MMP20: variants seen among roughly 807,000 people sequenced by gnomAD.
MMP20 encodes the protein matrix metallopeptidase 20, also known as matrix metalloproteinase-20.
In MMP20, 50 loss-of-function variants were observed where a neutral mutation model predicts 51.8. That is an observed-to-expected ratio of 0.97 (90% CI 0.77 to 1.22). MMP20 has a LOEUF of 1.22. MMP20 is among the 50% of genes most tolerant of loss of function. The pLI is 0.00. For missense variants in MMP20, 663 were observed against 601.4 expected (o/e 1.10, Z -1.07); for synonymous variants, 244 against 216.2 (o/e 1.13, Z -1.13).
At chr11:102,618,435 A>T (rs990943420) in intron 1 of MMP20, among the ~76,000 whole-genome samples, 9 of 151,702 alleles carry the variant, frequency 5.9e-5, no homozygotes, top group Admixed American at 5.3e-4. Context: ...TTTAACATAT[A>T]TATAAAGATA....
intron 8 of MMP20, among the ~76,000 whole-genome samples, chr11:102,579,759 T>C (rs1434021082): frequency 6.6e-6 from 1 of 152,230 alleles, no homozygotes; most frequent in African/African-American, 2.4e-5. Flanking sequence ...CATACATTGT[T>C]TAGAAATATT....
At chr11:102,605,174 G>C (rs551903923) in intron 6 of MMP20, 7 of 152,216 alleles carry the variant, frequency 4.6e-5, no homozygotes, top group African/African-American at 1.7e-4. Context: ...GTACATGAAG[G>C]GATCATGAGA....
At chr11:102,601,029 G>A (rs1418684160) in intron 6 of MMP20, among the ~76,000 whole-genome samples, 3 of 151,858 alleles carry the variant, frequency 2.0e-5, no homozygotes, top group Non-Finnish European at 2.9e-5. Flanking sequence ...AATTCCAGCT[G>A]AGGACAATGA....
chr11:102,579,822 T>G (rs190189050), intron 8 of MMP20, among the ~76,000 whole-genome samples: 1 of 152,216 alleles, frequency 6.6e-6, no homozygotes, highest in Non-Finnish European at 1.5e-5. Context: ...AACTTGCCAT[T>G]TGAAAGGAAC....
At chr11:102,618,157 G>A (rs1427742572) in intron 1 of MMP20, among the ~76,000 whole-genome samples, 1 of 152,042 alleles carries the variant, frequency 6.6e-6, no homozygotes, top group Non-Finnish European at 1.5e-5. Context: ...CAAAAAAAAT[G>A]TCTGTTTTGA....
At chr11:102,603,765 A>C (rs1341611816) in intron 6 of MMP20, among the ~76,000 whole-genome samples, 2 of 152,090 alleles carry the variant, frequency 1.3e-5, no homozygotes, top group Non-Finnish European at 1.5e-5. Context: ...CATCTGCCCT[A>C]CCCCAGTAGC....
chr11:102,592,800 G>A (rs1023669599), intron 8 of MMP20, among the ~76,000 whole-genome samples: 1 of 152,200 alleles, frequency 6.6e-6, no homozygotes, highest in South Asian at 2.1e-4. Flanking sequence ...CTCAACATGA[G>A]TCAACTAAGG....
intron 6 of MMP20, among the ~76,000 whole-genome samples, chr11:102,604,847 A>C (rs975236340): frequency 6.6e-6 from 1 of 152,226 alleles, no homozygotes; most frequent in African/African-American, 2.4e-5. Flanking sequence ...AATCAACACC[A>C]CTAGTAAAAT....
rs1210397605 is a variant in MMP20, at chr11:102,609,533, A to G, written c.649+372T>C. Reference sequence around the variant, plus strand: ...ACCTGTATGATATTCTGGAAACTTTATTCCCATCCCCAACACACTTCTCAG... The same window carrying G: ...ACCTGTATGATATTCTGGAAACTTTGTTCCCATCCCCAACACACTTCTCAG... On this transcript the variant is annotated intron_variant, in intron 4 of 9. Coordinates refer to ENST00000260228, the MANE Select transcript of MMP20 (RefSeq NM_004771.4). Among the ~76,000 whole-genome samples, 5 of 152,224 alleles carry G rather than the reference A, an allele frequency of 3.3e-5. No individual in the cohort carries two copies. The East Asian group carries it at 9.6e-4, about 29-fold the overall frequency.
At chr11:102,600,777 C>A (rs1565394290) in intron 6 of MMP20, among the ~76,000 whole-genome samples, 1 of 152,064 alleles carries the variant, frequency 6.6e-6, no homozygotes, top group South Asian at 2.1e-4. Context: ...TGAGCCATTG[C>A]GCCTGGCCCC....
At chr11:102,593,657 A>G in intron 7 of MMP20, 62 bp from the exon 8 acceptor site, 1 of 1,576,430 alleles carries the variant, frequency 6.3e-7, no homozygotes, top group Non-Finnish European at 8.7e-7. Context: ...CTTCTCTCAT[A>G]AAGATTTCTA....
Position 102,577,195 on chromosome 11 carries a change from C to A in MMP20, c.*131G>T. The A allele has an allele frequency of 1.5e-6, 1 of 680,230 alleles. No individual in the cohort carries two copies. Among genetic ancestry groups the A allele is most frequent in the East Asian group, 2.7e-5 (1 of 36,552 alleles). 42.1% of individuals were successfully genotyped at this position (680,230 alleles called of 1,614,324 possible). On this transcript the variant is annotated 3_prime_UTR_variant, in exon 10 of 10. Transcript: ENST00000260228. ...GAAAAAAATTGGAAGTATTATTATT[C>A]TCAGTGAATTCTAATTTGATTTGAA...
intron 1 of MMP20, 68 bp downstream of exon 1, chr11:102,625,126 T>C: frequency 6.3e-7 from 1 of 1,595,856 alleles, no homozygotes; most frequent in Non-Finnish European, 8.6e-7. Flanking sequence ...TTTCTTATTT[T>C]CTCACTATGC....
intron 1 of MMP20, among the ~76,000 whole-genome samples, chr11:102,624,170 A>G (rs912052880): frequency 1.3e-5 from 2 of 152,222 alleles, no homozygotes; most frequent in Non-Finnish European, 2.9e-5. Flanking sequence ...TCTACGATGC[A>G]GACAGCCAAG....
rs184655088 is a variant in MMP20, at chr11:102,593,548, G to A, written c.1138C>T (p.Arg380Trp). 14 of 1,614,102 alleles carry A rather than the reference G, an allele frequency of 8.7e-6. No individual in the cohort carries two copies. The East Asian group carries it at 1.8e-4, about 21-fold the overall frequency. Residue 380 changes from arginine (R) to tryptophan (W), a missense_variant, in exon 8 of 10, where the codon CGG becomes TGG. Coordinates refer to ENST00000260228, the MANE Select transcript of MMP20 (RefSeq NM_004771.4). The stretch of plus-strand genomic sequence containing the variant: ...GGAAATCCAAAGTCATAAATAGTCC[G>A]AGGAGGACCTTGCATTTGGAATCCT... ...TRGFQMQGPPRTIYDFGFPRH... is the reference protein window; with the variant it reads ...TRGFQMQGPPWTIYDFGFPRH...
At chr11:102,611,507 A>G (rs576052315) in intron 3 of MMP20, among the ~76,000 whole-genome samples, 3 of 152,366 alleles carry the variant, frequency 2.0e-5, no homozygotes, top group South Asian at 2.1e-4. Flanking sequence ...GGGCAAAGTC[A>G]TAATGAAAGT....
intron 1 of MMP20, among the ~76,000 whole-genome samples, chr11:102,618,304 A>G (rs1591624692): frequency 6.6e-6 from 1 of 151,684 alleles, no homozygotes; most frequent in Admixed American, 6.6e-5. Flanking sequence ...TTTTATATTT[A>G]TATAGTATAG....
At chr11:102,581,724 C>T (rs1859198179) in intron 8 of MMP20, among the ~76,000 whole-genome samples, 1 of 151,832 alleles carries the variant, frequency 6.6e-6, no homozygotes, top group Non-Finnish European at 1.5e-5. Flanking sequence ...ACACAATGTT[C>T]AATGAAAATA....
Position 102,620,643 on chromosome 11 carries a change from T to C in MMP20, c.127-3584A>G, listed in dbSNP as rs78354638. Among the ~76,000 whole-genome samples the C allele has an allele frequency of 6.8e-3, 1,030 of 152,342 alleles. 17 individuals carry two copies. Among genetic ancestry groups the C allele is most frequent in the African/African-American group, 0.024 (981 of 41,570 alleles). On this transcript the variant is annotated intron_variant, in intron 1 of 9. Coordinates refer to ENST00000260228, the MANE Select transcript of MMP20 (RefSeq NM_004771.4). ...AGCTTAGGTCTCCCTTCCAAGCCCTTATTCCGTGCATTTTCCTAGTGTCCT... is the reference window on the plus strand; with the variant it reads ...AGCTTAGGTCTCCCTTCCAAGCCCTCATTCCGTGCATTTTCCTAGTGTCCT...
Sources: gnomAD v4.1 joint callset for allele counts (sites outside exome capture counted in the v4.1 genomes callset) on GRCh38, gnomAD v4.1.1 for gene constraint, MANE v1.5 for transcripts, NCBI Gene and HGNC (gene_info 2026-07-23, HGNC 2026-07-21) for gene names.